Variants in CACNG2 observed in about 807,000 individuals in gnomAD.
CACNG2 encodes the protein calcium voltage-gated channel auxiliary subunit gamma 2, also known as voltage-dependent calcium channel gamma-2 subunit.
A neutral mutation model predicts 25.9 loss-of-function variants in CACNG2; 3 were observed. The observed-to-expected ratio is 0.12, with a 90% confidence interval of 0.05 to 0.30. CACNG2 has a LOEUF of 0.30. CACNG2 is among the 10% of genes least tolerant of loss of function. CACNG2 has a pLI of 1.00. For synonymous variants in CACNG2, 167 were observed against 173.3 expected (o/e 0.96, Z 0.29); for missense variants, 341 against 432.5 (o/e 0.79, Z 1.88).
At chr22:36,653,663 A>G (rs1293322208) in intron 1 of CACNG2, among the ~76,000 whole-genome samples, 2 of 152,144 alleles carry the variant, frequency 1.3e-5, no homozygotes, top group African/African-American at 4.8e-5. Context: ...AAGGGAGCCA[A>G]TCTGCAGAGG....
chr22:36,578,549 G>T (rs1935363073), intron 2 of CACNG2, among the ~76,000 whole-genome samples: 1 of 152,070 alleles, frequency 6.6e-6, no homozygotes, highest in Non-Finnish European at 1.5e-5. Flanking sequence ...TTGAATTCAG[G>T]CCCTTTTATT....
chr22:36,624,861 C>G (rs1424470955), intron 1 of CACNG2, among the ~76,000 whole-genome samples: 2 of 151,754 alleles, frequency 1.3e-5, no homozygotes, highest in Admixed American at 6.6e-5. Context: ...AACCCTGTCT[C>G]TACTAAAAAT....
At chr22:36,593,490 G>A (rs939431985) in intron 1 of CACNG2, among the ~76,000 whole-genome samples, 1 of 152,202 alleles carries the variant, frequency 6.6e-6, no homozygotes, top group African/African-American at 2.4e-5. Flanking sequence ...GGCCTGGGAT[G>A]TGAGCAGTAA....
chr22:36,700,356 T>C (rs1937396316), intron 1 of CACNG2, among the ~76,000 whole-genome samples: 1 of 152,236 alleles, frequency 6.6e-6, no homozygotes, highest in South Asian at 2.1e-4. Context: ...TTCTGGGAAT[T>C]ACACAATATT....
At chr22:36,605,584 G>A (rs1193615214) in intron 1 of CACNG2, among the ~76,000 whole-genome samples, 1 of 152,204 alleles carries the variant, frequency 6.6e-6, no homozygotes, top group African/African-American at 2.4e-5. Flanking sequence ...CACTGAACCT[G>A]AGCGTTGGCT....
intron 1 of CACNG2, among the ~76,000 whole-genome samples, chr22:36,676,796 C>T (rs906723004): frequency 1.3e-5 from 2 of 152,192 alleles, no homozygotes; most frequent in Non-Finnish European, 2.9e-5. Flanking sequence ...CCTCCATATC[C>T]GGTGCTGTTC....
At chr22:36,605,846 G>A (rs1472699226) in intron 1 of CACNG2, among the ~76,000 whole-genome samples, 2 of 152,178 alleles carry the variant, frequency 1.3e-5, no homozygotes, top group African/African-American at 4.8e-5. Flanking sequence ...GCCTGCCCAA[G>A]GAGCTATGGG....
intron 1 of CACNG2, among the ~76,000 whole-genome samples, chr22:36,669,239 C>T (rs1436822493): frequency 1.3e-5 from 2 of 152,024 alleles, no homozygotes; most frequent in African/African-American, 4.8e-5. Flanking sequence ...TGGTGGCTCA[C>T]TCCTGTAATC....
At chr22:36,680,081 TCACCGCCAC>T (rs1300545343) in intron 1 of CACNG2, among the ~76,000 whole-genome samples, 1 of 139,556 alleles carries the variant, frequency 7.2e-6, no homozygotes, top group Admixed American at 7.1e-5. Flanking sequence ...ATCACCACCA[TCACCGCCAC>T]CTTCAGGATC....
At chr22:36,630,535 G>A (rs1936251859) in intron 1 of CACNG2, among the ~76,000 whole-genome samples, 1 of 152,100 alleles carries the variant, frequency 6.6e-6, no homozygotes, top group South Asian at 2.1e-4. Context: ...CAGGTTCATT[G>A]AAAGAGGTAC....
intron 1 of CACNG2, among the ~76,000 whole-genome samples, chr22:36,683,775 C>G (rs764122065): frequency 7.2e-5 from 11 of 152,040 alleles, no homozygotes; most frequent in Admixed American, 3.9e-4. Flanking sequence ...TCCTGAACAC[C>G]CTGGAGGAAA....
intron 1 of CACNG2, among the ~76,000 whole-genome samples, chr22:36,621,610 T>TGTGTACAC (rs1936106967): frequency 9.7e-6 from 1 of 103,068 alleles, no homozygotes; most frequent in African/African-American, 5.9e-5. Context: ...GTATGAGGTG[T>TGTGTACAC]GTGTGCATGC....
intron 1 of CACNG2, among the ~76,000 whole-genome samples, chr22:36,625,876 A>G (rs1936176208): frequency 6.6e-6 from 1 of 152,216 alleles, no homozygotes; most frequent in African/African-American, 2.4e-5. Context: ...TGAAAAATTT[A>G]GCAGATTGAG....
At chr22:36,698,886 G>T (rs1937374971) in intron 1 of CACNG2, among the ~76,000 whole-genome samples, 1 of 152,154 alleles carries the variant, frequency 6.6e-6, no homozygotes. Context: ...AAGACAGAGG[G>T]GAGGAAGGCA....
intron 1 of CACNG2, among the ~76,000 whole-genome samples, chr22:36,604,616 A>T (rs1190381126): frequency 6.6e-6 from 1 of 152,222 alleles, no homozygotes; most frequent in African/African-American, 2.4e-5. Flanking sequence ...AGCAGCTATC[A>T]ACATCGAGGC....
At chr22:36,603,380 C>T (rs1373785033) in intron 1 of CACNG2, among the ~76,000 whole-genome samples, 1 of 152,174 alleles carries the variant, frequency 6.6e-6, no homozygotes, top group East Asian at 1.9e-4. Flanking sequence ...GGTGAAGGGG[C>T]AAGTGCTGAT....
intron 1 of CACNG2, among the ~76,000 whole-genome samples, chr22:36,609,937 G>T (rs1215979760): frequency 6.8e-6 from 1 of 147,572 alleles, no homozygotes; most frequent in Non-Finnish European, 1.5e-5. Context: ...CCCAGAATAT[G>T]ATCAGGCAGG....
At chr22:36,637,468 A>C (rs1936374868) in intron 1 of CACNG2, among the ~76,000 whole-genome samples, 1 of 152,038 alleles carries the variant, frequency 6.6e-6, no homozygotes, top group Admixed American at 6.5e-5. Flanking sequence ...AAAAATGTTT[A>C]CGTAGGCAGT....
chr22:36,675,423 T>C (rs1937007851), intron 1 of CACNG2, among the ~76,000 whole-genome samples: 1 of 152,196 alleles, frequency 6.6e-6, no homozygotes, highest in African/African-American at 2.4e-5. Flanking sequence ...CCTGACCCAA[T>C]AGTCAAGCTC....
Sources: allele counts gnomAD v4.1 joint callset (sites outside exome capture counted in the v4.1 genomes callset), GRCh38; gene constraint gnomAD v4.1.1; transcripts MANE v1.5; gene names NCBI Gene and HGNC (gene_info 2026-07-23, HGNC 2026-07-21).